HKDC1: variants seen among roughly 807,000 people sequenced by gnomAD.
HKDC1 encodes the protein hexokinase HKDC1.
In HKDC1, 66 loss-of-function variants were observed where a neutral mutation model predicts 96.6. That is an observed-to-expected ratio of 0.68 (90% CI 0.56 to 0.84). The LOEUF (loss-of-function observed/expected upper bound fraction) is 0.84. HKDC1 is among the 40% of genes least tolerant of loss of function. The pLI is 0.00. For synonymous variants in HKDC1, 466 were observed against 473.1 expected, an observed-to-expected ratio of 0.98 and a Z score of 0.20; for missense variants, 1,211 against 1,208.1, an observed-to-expected ratio of 1.00 and a Z score of -0.04.
intron 2 of HKDC1, 148 bp downstream of exon 2, chr10:69,227,517 T>G (rs1254573274): frequency 2.4e-6 from 2 of 838,368 alleles, no homozygotes; most frequent in Non-Finnish European, 3.6e-6. Context: ...GCTTCAGTCC[T>G]GCTGAATCCC....
rs1228669485 is a variant in HKDC1, at chr10:69,266,942, A to G, written c.*185A>G. The G allele has an allele frequency of 3.8e-6, 2 of 531,586 alleles. No individual in the cohort carries two copies. Among genetic ancestry groups the G allele is most frequent in the Non-Finnish European group, 6.5e-6 (2 of 309,368 alleles). 32.9% of individuals were successfully genotyped at this position (531,586 alleles called of 1,614,324 possible). On this transcript the variant is annotated 3_prime_UTR_variant, in exon 18 of 18. Coordinates refer to ENST00000354624, the MANE Select transcript of HKDC1 (RefSeq NM_025130.4). The stretch of plus-strand genomic sequence containing the variant: ...TGGATTTGCAGTGACATTACATGAC[A>G]TCTCTATTTGGTATATTTGGGCCAA...
chr10:69,226,614 C>T (rs1361774825), intron 1 of HKDC1, among the ~76,000 whole-genome samples: 1 of 151,580 alleles, frequency 6.6e-6, no homozygotes, highest in Non-Finnish European at 1.5e-5. Flanking sequence ...GAGATCTCAT[C>T]ACTGCACTCC....
At chr10:69,256,939 G>A (rs1168870951) in intron 12 of HKDC1, 97 bp from the exon 13 acceptor site, 25 of 906,880 alleles carry the variant, frequency 2.8e-5, no homozygotes, top group Middle Eastern at 2.2e-4. Flanking sequence ...TACTTGACAA[G>A]CAGCCAGCTA....
chr10:69,223,761 T>G (rs1843105281), intron 1 of HKDC1, among the ~76,000 whole-genome samples: 1 of 150,758 alleles, frequency 6.6e-6, no homozygotes, highest in Non-Finnish European at 1.5e-5. Flanking sequence ...ATTTTTGTAT[T>G]TTTAGTAGAG....
At position 69,250,390 on chromosome 10, in the gene HKDC1, G is replaced by C. The variant is rs747067339; in HGVS notation, c.1671G>C (p.Lys557Asn). ...SGRRSVRMYN[K>N]IFAIPLEIMQ... ...GGAGGTCAGTGCGAATGTACAACAA[G>C]ATCTTCGCCATCCCCCTGGAGATCA... The change falls in exon 11 of 18, where the codon AAG becomes AAC. Residue 557 changes from lysine to asparagine, a missense_variant. Coordinates refer to ENST00000354624, the MANE Select transcript of HKDC1 (RefSeq NM_025130.4). 1 of 1,614,142 alleles carries C rather than the reference G, an allele frequency of 6.2e-7. No individual in the cohort carries two copies. Among genetic ancestry groups the C allele is most frequent in the South Asian group, 1.1e-5 (1 of 91,082 alleles).
chr10:69,257,083 A>G lies in HKDC1; in HGVS notation c.1884A>G (p.Glu628=), dbSNP rs1470482215. ...WTKGFKATDC[E]GEDVVDMLRE... ...AAGGTTTCAAGGCCACTGACTGTGAAGGGGAGGACGTGGTGGACATGCTCA... is the reference window on the plus strand; with the variant it reads ...AAGGTTTCAAGGCCACTGACTGTGAGGGGGAGGACGTGGTGGACATGCTCA... Residue 628 remains glutamate, a synonymous_variant, in exon 13 of 18, where the codon GAA becomes GAG. Transcript: ENST00000354624. 6.2e-7 allele frequency: 1 copy of G among 1,614,010 alleles called. No homozygotes were observed. The highest frequency in any genetic ancestry group is 8.5e-7 in the Non-Finnish European group (1 of 1,180,026).
At chr10:69,240,615 C>T (rs1401210265) in intron 5 of HKDC1, 37 bp from the exon 6 acceptor site, 1 of 1,567,988 alleles carries the variant, frequency 6.4e-7, no homozygotes, top group Non-Finnish European at 8.8e-7. Flanking sequence ...ACACCTCCTT[C>T]CCACCCGCTG....
At chr10:69,221,894 G>A (rs1843071592) in intron 1 of HKDC1, among the ~76,000 whole-genome samples, 2 of 151,838 alleles carry the variant, frequency 1.3e-5, no homozygotes, top group South Asian at 4.2e-4. Flanking sequence ...CTGGGTGACA[G>A]AGTGAGACCC....
intron 12 of HKDC1, among the ~76,000 whole-genome samples, chr10:69,251,313 C>A (rs1202315620): frequency 6.6e-6 from 1 of 151,992 alleles, no homozygotes; most frequent in African/African-American, 2.4e-5. Context: ...CAAGGCTGGT[C>A]ATGAACTCCT....
intron 4 of HKDC1, among the ~76,000 whole-genome samples, chr10:69,238,072 A>G (rs1815553484): frequency 6.6e-6 from 1 of 152,230 alleles, no homozygotes; most frequent in Non-Finnish European, 1.5e-5. Context: ...CACCATTTGT[A>G]AGCAATGATT....
chr10:69,230,040 A>G (rs1230141184), intron 2 of HKDC1, among the ~76,000 whole-genome samples: 1 of 152,234 alleles, frequency 6.6e-6, no homozygotes, highest in Non-Finnish European at 1.5e-5. Context: ...AAATGTATGC[A>G]GCTTCCAGAG....
intron 16 of HKDC1, chr10:69,261,496 CTATAAAGTCCTG>C: frequency 1.9e-6 from 1 of 531,760 alleles, no homozygotes. Context: ...CTGGGCTCAT[CTATAAAGTCCTG>C]CTGTCCCCAT....
chr10:69,244,719 A>G (rs1479500616), intron 7 of HKDC1, among the ~76,000 whole-genome samples: 12 of 151,972 alleles, frequency 7.9e-5, no homozygotes, highest in Non-Finnish European at 2.9e-5. Context: ...CCAACCACTC[A>G]GGAGACTGAG....
In HKDC1 at chr10:69,265,771, G is replaced by A; in HGVS notation, c.2559G>A (p.Leu853=). 3 of 1,613,624 alleles carry A rather than the reference G, an allele frequency of 1.9e-6. No homozygotes were observed. Among genetic ancestry groups the A allele is most frequent in the Admixed American group, 3.3e-5 (2 of 59,808 alleles). Residue 853 remains leucine (L), a synonymous_variant, in exon 17 of 18, where the codon CTG becomes CTA. Coordinates refer to ENST00000354624, the MANE Select transcript of HKDC1 (RefSeq NM_025130.4). The part of the protein sequence containing the change: ...KRREDQGLEH[L]RITVGVDGTL... ...GAGAAGACCAGGGGCTAGAGCACCT[G>A]AGGATCACTGTGGGTGTGGACGGCA... is the stretch of plus-strand genomic sequence containing the variant.
chr10:69,254,209 G>A (rs1471009028), intron 12 of HKDC1, among the ~76,000 whole-genome samples: 1 of 152,190 alleles, frequency 6.6e-6, no homozygotes, highest in African/African-American at 2.4e-5. Context: ...GGTGGCTGAG[G>A]CAGGAGAATC....
intron 17 of HKDC1, 30 bp downstream of exon 17, chr10:69,265,848 G>A: frequency 6.7e-7 from 1 of 1,497,210 alleles, no homozygotes; most frequent in South Asian, 1.2e-5. Context: ...GTGGCGGGTG[G>A]GGCTGGGGAG....
chr10:69,258,842 GGAA>G lies in HKDC1; in HGVS notation c.2102_2104del (p.Lys701del). The G allele has an allele frequency of 6.2e-7, 1 of 1,614,026 alleles. No homozygotes were observed. The highest frequency in any genetic ancestry group is 8.5e-7 in the Non-Finnish European group (1 of 1,179,976). The stretch of plus-strand genomic sequence containing the variant: ...ATCGAGATGGTGGAGGGGGGTGAAG[GGAA>G]GATGTGCATCAATACAGAGTGGGGA... On this transcript the variant is annotated inframe_deletion, in exon 15 of 18. Transcript: ENST00000354624.
chr10:69,230,353 C>T (rs1001347243), intron 2 of HKDC1, among the ~76,000 whole-genome samples: 4 of 152,246 alleles, frequency 2.6e-5, no homozygotes, highest in African/African-American at 4.8e-5. Context: ...GCCCTGAGGT[C>T]GTCAGCCTGG....
chr10:69,233,479 G>T (rs925044521), intron 4 of HKDC1, among the ~76,000 whole-genome samples: 2 of 152,244 alleles, frequency 1.3e-5, no homozygotes, highest in Admixed American at 1.3e-4. Flanking sequence ...TCCCTGACAG[G>T]TTCCTGGCAG....
Sources: gnomAD v4.1 joint callset for allele counts (sites outside exome capture counted in the v4.1 genomes callset) on GRCh38, gnomAD v4.1.1 for gene constraint, MANE v1.5 for transcripts, NCBI Gene and HGNC (gene_info 2026-07-23, HGNC 2026-07-21) for gene names.